Variants in KCNB2 observed in about 807,000 individuals in gnomAD.
KCNB2 encodes the protein delayed rectifier potassium channel protein.
A neutral mutation model predicts 61.5 loss-of-function variants in KCNB2; 15 were observed. That is an observed-to-expected ratio of 0.24 (90% CI 0.16 to 0.38). KCNB2 has a LOEUF of 0.38. Among genes scored for constraint, KCNB2 ranks in the 10% least tolerant of loss-of-function variants. The pLI is 1.00. For missense variants in KCNB2, 828 were observed against 1,125.2 expected (o/e 0.74, Z 3.78); for synonymous variants, 457 against 446.0 (o/e 1.02, Z -0.31).
chr8:72,682,205 C>A (rs1379812489), intron 2 of KCNB2, among the ~76,000 whole-genome samples: 1 of 152,138 alleles, frequency 6.6e-6, no homozygotes, highest in Non-Finnish European at 1.5e-5. Flanking sequence ...GTGTTCAGGT[C>A]ATGATAAACG....
chr8:72,708,130 G>A (rs1807262816), intron 2 of KCNB2, among the ~76,000 whole-genome samples: 1 of 152,160 alleles, frequency 6.6e-6, no homozygotes. Context: ...TAACCAACAG[G>A]ATGCTGGAGT....
intron 2 of KCNB2, among the ~76,000 whole-genome samples, chr8:72,642,495 C>T (rs1806072114): frequency 6.6e-6 from 1 of 151,994 alleles, no homozygotes; most frequent in Admixed American, 6.6e-5. Flanking sequence ...ACTCACACAG[C>T]TTACAGTCTA....
rs374030208 is a variant in KCNB2, at chr8:72,781,550, A to T, written c.580-154385A>T. Among the ~76,000 whole-genome samples, 20 of 152,144 alleles carry T rather than the reference A, an allele frequency of 1.3e-4. No homozygotes were observed. In the East Asian group the frequency reaches 2.9e-3, roughly 22 times the overall value. The stretch of plus-strand genomic sequence containing the variant: ...GTGCAGTCTTATTTCTGAGATCTCT[A>T]TTCTGTTCCATAGGTCTATGTGTCT... On this transcript the variant is annotated intron_variant, in intron 2 of 2. Transcript: ENST00000523207.
chr8:72,755,524 A>G (rs1350915164), intron 2 of KCNB2, among the ~76,000 whole-genome samples: 2 of 152,196 alleles, frequency 1.3e-5, no homozygotes, highest in Non-Finnish European at 2.9e-5. Context: ...TAAAAGGCAA[A>G]AGAAATGGCA....
chr8:72,701,111 A>C (rs1039149807), intron 2 of KCNB2, among the ~76,000 whole-genome samples: 3 of 152,120 alleles, frequency 2.0e-5, no homozygotes, highest in Non-Finnish European at 4.4e-5. Context: ...TGAAAAACTA[A>C]CTGTTGGGTG....
chr8:72,791,743 C>T (rs1808946204), intron 2 of KCNB2, among the ~76,000 whole-genome samples: 1 of 152,110 alleles, frequency 6.6e-6, no homozygotes, highest in Admixed American at 6.5e-5. Context: ...CATTTGAGAG[C>T]AGCCAGTACT....
At chr8:72,814,313 T>C (rs993295535) in intron 2 of KCNB2, among the ~76,000 whole-genome samples, 1 of 152,202 alleles carries the variant, frequency 6.6e-6, no homozygotes, top group Non-Finnish European at 1.5e-5. Flanking sequence ...ATAAGCATTC[T>C]TGTTCATGAT....
chr8:72,648,157 T>G (rs1311343719), intron 2 of KCNB2, among the ~76,000 whole-genome samples: 1 of 152,176 alleles, frequency 6.6e-6, no homozygotes, highest in Non-Finnish European at 1.5e-5. Flanking sequence ...GTCGAGAGTT[T>G]CTGCAGTACT....
chr8:72,932,080 A>G (rs7006287), intron 2 of KCNB2, among the ~76,000 whole-genome samples: 72,974 of 151,878 alleles, frequency 0.48, 18,158 homozygotes, highest in East Asian at 0.89. Context: ...TGTGGTAAGT[A>G]AAGCAATACC....
chr8:72,784,952 A>G (rs1372846534), intron 2 of KCNB2, among the ~76,000 whole-genome samples: 5 of 152,124 alleles, frequency 3.3e-5, no homozygotes, highest in Admixed American at 2.0e-4. Context: ...GCCAAGTTGT[A>G]TTGTGTGTTC....
intron 2 of KCNB2, among the ~76,000 whole-genome samples, chr8:72,766,559 G>C (rs984371041): frequency 6.6e-6 from 1 of 152,096 alleles, no homozygotes. Flanking sequence ...TTTCACCAGG[G>C]AACACTTTTT....
At chr8:72,652,563 C>T (rs1262070950) in intron 2 of KCNB2, among the ~76,000 whole-genome samples, 1 of 152,090 alleles carries the variant, frequency 6.6e-6, no homozygotes, top group Admixed American at 6.6e-5. Flanking sequence ...AACTCCTTTC[C>T]ATGATCTATA....
intron 2 of KCNB2, among the ~76,000 whole-genome samples, chr8:72,635,837 C>T (rs536038702): frequency 2.6e-5 from 4 of 152,296 alleles, no homozygotes; most frequent in Admixed American, 6.5e-5. Flanking sequence ...GTCTGCTCTG[C>T]GGCTTGGTGG....
chr8:72,736,507 A>T (rs534180252), intron 2 of KCNB2, among the ~76,000 whole-genome samples: 1 of 152,250 alleles, frequency 6.6e-6, no homozygotes, highest in African/African-American at 2.4e-5. Context: ...ACAAGTGTTA[A>T]TGTTCATTCA....
intron 2 of KCNB2, among the ~76,000 whole-genome samples, chr8:72,804,581 G>T (rs1027643003): frequency 6.6e-5 from 10 of 152,080 alleles, no homozygotes; most frequent in Admixed American, 5.9e-4. Context: ...GTTTCTTCCT[G>T]GCTTTCCATA....
chr8:72,839,925 T>TAA (rs747681246), intron 2 of KCNB2, among the ~76,000 whole-genome samples: 10 of 151,576 alleles, frequency 6.6e-5, no homozygotes, highest in South Asian at 2.1e-4. Context: ...TTTTTTTTTT[T>TAA]AATACTTTAA....
At chr8:72,678,171 G>C (rs2256910) in intron 2 of KCNB2, among the ~76,000 whole-genome samples, 41,066 of 152,108 alleles carry the variant, frequency 0.27, 9,989 homozygotes, top group African/African-American at 0.65. Context: ...TAACATTTAA[G>C]CACTTTTCAC....
intron 2 of KCNB2, among the ~76,000 whole-genome samples, chr8:72,927,529 C>T (rs1476140721): frequency 6.6e-6 from 1 of 152,154 alleles, no homozygotes; most frequent in Non-Finnish European, 1.5e-5. Context: ...ACTTGGTCTC[C>T]CAAAGTGCGG....
intron 2 of KCNB2, among the ~76,000 whole-genome samples, chr8:72,604,385 T>C (rs1374815772): frequency 1.3e-5 from 2 of 152,184 alleles, no homozygotes; most frequent in Admixed American, 6.6e-5. Context: ...GCAGAAAGAA[T>C]CAGTGCTCAG....
Sources: allele counts gnomAD v4.1 joint callset (sites outside exome capture counted in the v4.1 genomes callset), GRCh38; gene constraint gnomAD v4.1.1; transcripts MANE v1.5; gene names NCBI Gene and HGNC (gene_info 2026-07-23, HGNC 2026-07-21).